Variants in CFDP1 observed in about 807,000 individuals in gnomAD.
CFDP1 encodes chromatin remodeling protein CFDP1, also known as heterochromatin-stabilizing protein CFDP1.
A neutral mutation model predicts 40.1 loss-of-function variants in CFDP1; 31 were observed. The ratio of observed to expected loss-of-function variants is 0.77; its 90% CI spans 0.58 to 1.04. The LOEUF is 1.04. Among genes scored for constraint, CFDP1 ranks in the 50% least tolerant of loss-of-function variants. The pLI is 0.00. For missense variants in CFDP1, 423 were observed against 343.4 expected (o/e 1.23, Z -1.83); for synonymous variants, 167 against 120.0 (o/e 1.39, Z -2.56).
In CFDP1 at chr16:75,401,595, G is replaced by A. The variant is rs74519859; in HGVS notation, c.531-6386C>T. ...AGTCTGGGCGACAAGGTGCGACTCC[G>A]TCTCAGAAAAATAAAAAAAAGATTC... On this transcript the variant is annotated intron_variant, in intron 4 of 6. Coordinates refer to ENST00000283882, the MANE Select transcript of CFDP1 (RefSeq NM_006324.3). Among the ~76,000 whole-genome samples the A allele has an allele frequency of 2.9e-3, 436 of 152,062 alleles. 7 individuals carry two copies. In the East Asian group the frequency reaches 0.038, roughly 13 times the overall value.
chr16:75,401,048 C>A (rs560046956), intron 4 of CFDP1, among the ~76,000 whole-genome samples: 2 of 152,290 alleles, frequency 1.3e-5, no homozygotes, highest in South Asian at 4.2e-4. Context: ...GTAATCCCAG[C>A]ACTTTGGGAG....
intron 5 of CFDP1, among the ~76,000 whole-genome samples, chr16:75,353,481 G>A (rs913427800): frequency 2.0e-5 from 3 of 152,170 alleles, no homozygotes; most frequent in African/African-American, 7.2e-5. Flanking sequence ...TCATTAATGA[G>A]GCTGGGGGCG....
At chr16:75,428,977 C>T (rs1032871906) in intron 1 of CFDP1, among the ~76,000 whole-genome samples, 8 of 151,164 alleles carry the variant, frequency 5.3e-5, no homozygotes, top group African/African-American at 1.7e-4. Flanking sequence ...ATTAGCCAGG[C>T]GTGGTGGCAT....
At chr16:75,406,313 G>A (rs2099411253) in intron 4 of CFDP1, among the ~76,000 whole-genome samples, 2 of 151,870 alleles carry the variant, frequency 1.3e-5, no homozygotes, top group Admixed American at 1.3e-4. Context: ...GGAGATCATG[G>A]CTGTAGTGGG....
chr16:75,413,968 A>G (rs1423173151), intron 2 of CFDP1, among the ~76,000 whole-genome samples: 2 of 152,180 alleles, frequency 1.3e-5, no homozygotes, highest in Non-Finnish European at 2.9e-5. Flanking sequence ...ACATTTATAT[A>G]TTTATGTATA....
intron 5 of CFDP1, among the ~76,000 whole-genome samples, chr16:75,389,338 T>C (rs1158599013): frequency 1.3e-5 from 2 of 152,250 alleles, no homozygotes; most frequent in Admixed American, 6.5e-5. Context: ...TACTACCAAA[T>C]GTAGGAGAGT....
rs1391283502 is a variant in CFDP1, at chr16:75,364,955, G to GT, written c.650+30134dup. ...CATTAACTGCATCATTCTGGTGGATGTTTTTTAGTGTATTTTAAATAGATG... is the reference window on the plus strand; with the variant it reads ...CATTAACTGCATCATTCTGGTGGATGTTTTTTTAGTGTATTTTAAATAGATG... On this transcript the variant is annotated intron_variant, in intron 5 of 6. Coordinates refer to ENST00000283882, the MANE Select transcript of CFDP1 (RefSeq NM_006324.3). 2.0e-5 allele frequency among the ~76,000 whole-genome samples: 3 copies of GT among 152,332 alleles called. No homozygotes were observed. In the East Asian group the frequency reaches 5.8e-4, roughly 29 times the overall value.
intron 5 of CFDP1, among the ~76,000 whole-genome samples, chr16:75,318,478 TCA>T (rs1400101617): frequency 6.6e-6 from 1 of 150,664 alleles, no homozygotes; most frequent in Non-Finnish European, 1.5e-5. Context: ...CAGTCTCGGC[TCA>T]CTGCAACCTC....
chr16:75,371,456 G>A (rs940741207), intron 5 of CFDP1, among the ~76,000 whole-genome samples: 2 of 152,080 alleles, frequency 1.3e-5, no homozygotes, highest in African/African-American at 4.8e-5. Flanking sequence ...CTGAATGGGG[G>A]GCGAGGTTAA....
At chr16:75,376,643 C>T (rs1052241043) in intron 5 of CFDP1, among the ~76,000 whole-genome samples, 12 of 152,188 alleles carry the variant, frequency 7.9e-5, no homozygotes, top group Admixed American at 7.9e-4. Flanking sequence ...CGGAATCATA[C>T]TATACCTTAT....
intron 5 of CFDP1, among the ~76,000 whole-genome samples, chr16:75,367,740 C>T (rs2078725176): frequency 6.7e-6 from 1 of 148,694 alleles, no homozygotes; most frequent in South Asian, 2.1e-4. Flanking sequence ...TTGCCGTGAG[C>T]CAAGATCCTG....
intron 1 of CFDP1, among the ~76,000 whole-genome samples, chr16:75,431,711 G>C (rs1448148958): frequency 6.6e-6 from 1 of 152,224 alleles, no homozygotes; most frequent in East Asian, 1.9e-4. Flanking sequence ...TACGGAGTTG[G>C]GGAGGCCCCG....
chr16:75,363,406 T>C (rs1445801742), intron 5 of CFDP1, among the ~76,000 whole-genome samples: 2 of 151,722 alleles, frequency 1.3e-5, no homozygotes. Flanking sequence ...TTTTTTTTTT[T>C]TTTCCATGAG....
chr16:75,363,809 C>CTCAT (rs1302884817), intron 5 of CFDP1, among the ~76,000 whole-genome samples: 8 of 152,134 alleles, frequency 5.3e-5, no homozygotes. Flanking sequence ...CCCAAAGATC[C>CTCAT]TCATTCATTC....
chr16:75,365,260 T>G (rs956256799), intron 5 of CFDP1, among the ~76,000 whole-genome samples: 1 of 152,144 alleles, frequency 6.6e-6, no homozygotes, highest in Non-Finnish European at 1.5e-5. Flanking sequence ...TGGAATAACA[T>G]AGTAATAAAG....
chr16:75,293,895 G>T lies in CFDP1; in HGVS notation c.*57C>A. 2 of 1,379,268 alleles carry T rather than the reference G, an allele frequency of 1.5e-6. No homozygotes were observed. Among genetic ancestry groups the T allele is most frequent in the Non-Finnish European group, 2.1e-6 (2 of 971,628 alleles). The allele number at this position is 1,379,268 out of a possible 1,614,324, so 85.4% of individuals were successfully genotyped here. A position where few individuals can be genotyped will look rare whatever the true frequency, so the allele number is the denominator to read the frequency against. The stretch of plus-strand genomic sequence containing the variant: ...AAACACTGTAAAACATTTCACAGAC[G>T]CACAAAAAGCTCACATTGTAAACAG... On this transcript the variant is annotated 3_prime_UTR_variant, in exon 7 of 7. Transcript: ENST00000283882.
chr16:75,416,375 A>G (rs2079205310), intron 1 of CFDP1, among the ~76,000 whole-genome samples: 1 of 152,034 alleles, frequency 6.6e-6, no homozygotes, highest in Admixed American at 6.6e-5. Flanking sequence ...TGTGGCATCC[A>G]TGGAATAAAA....
chr16:75,320,532 C>T (rs2078355523), intron 5 of CFDP1, among the ~76,000 whole-genome samples: 1 of 152,260 alleles, frequency 6.6e-6, no homozygotes, highest in Non-Finnish European at 1.5e-5. Context: ...TAGCCATTTG[C>T]TTTGGGAAAC....
intron 5 of CFDP1, among the ~76,000 whole-genome samples, chr16:75,375,832 G>T (rs1229784258): frequency 6.6e-6 from 1 of 151,704 alleles, no homozygotes; most frequent in Non-Finnish European, 1.5e-5. Context: ...TGTGAACAAG[G>T]ATACGTATGG....
Sources: gnomAD v4.1 joint callset for allele counts (sites outside exome capture counted in the v4.1 genomes callset) on GRCh38, gnomAD v4.1.1 for gene constraint, MANE v1.5 for transcripts, NCBI Gene and HGNC (gene_info 2026-07-23, HGNC 2026-07-21) for gene names.